The following FSD1L variants were observed in gnomAD, a reference collection of about 807,000 sequenced individuals.
The protein encoded by FSD1L is FSD1-like protein.
In FSD1L, 45 loss-of-function variants were observed where a neutral mutation model predicts 71.6. The observed-to-expected ratio is 0.63, with a 90% CI of 0.49 to 0.81. FSD1L has a LOEUF of 0.81. Ranked by LOEUF, FSD1L falls within the 30% of genes least tolerant of loss-of-function variation. The pLI is 0.00. For synonymous variants in FSD1L, 197 were observed against 207.2 expected (o/e 0.95, Z 0.42); for missense variants, 561 against 618.1 (o/e 0.91, Z 0.98).
chr9:105,520,079 G>A, intron 10 of FSD1L: 1 of 1,567,552 alleles, frequency 6.4e-7, no homozygotes, highest in South Asian at 1.2e-5. Flanking sequence ...TTCTGCCGCT[G>A]GGAGCCGGCT....
intron 7 of FSD1L, among the ~76,000 whole-genome samples, chr9:105,505,458 A>G (rs958222023): frequency 1.1e-4 from 17 of 152,020 alleles, no homozygotes; most frequent in African/African-American, 3.9e-4. Flanking sequence ...ACGGGGTTTC[A>G]CTATGTTGGT....
intron 2 of FSD1L, among the ~76,000 whole-genome samples, chr9:105,462,640 A>G (rs1830784547): frequency 6.8e-6 from 1 of 146,150 alleles, no homozygotes; most frequent in South Asian, 2.2e-4. Context: ...CTCCTGCCTC[A>G]GCCTCCTGAG....
At chr9:105,521,932 G>T (rs887005014) in intron 10 of FSD1L, 1 of 1,612,474 alleles carries the variant, frequency 6.2e-7, no homozygotes, top group Admixed American at 1.7e-5. Context: ...ATGTGTAAAC[G>T]CATTCTTAAC....
chr9:105,485,540 T>G (rs900840303), intron 7 of FSD1L, among the ~76,000 whole-genome samples: 3 of 149,930 alleles, frequency 2.0e-5, no homozygotes, highest in African/African-American at 4.9e-5. Flanking sequence ...GGTGTTTTTT[T>G]TTTTTTTTTT....
chr9:105,506,818 C>T (rs1834080570), intron 8 of FSD1L, among the ~76,000 whole-genome samples: 1 of 151,026 alleles, frequency 6.6e-6, no homozygotes, highest in Admixed American at 6.6e-5. Flanking sequence ...ATCTCCCAGG[C>T]TGGAGTGCAG....
intron 1 of FSD1L, among the ~76,000 whole-genome samples, chr9:105,451,406 A>G (rs570530443): frequency 1.3e-5 from 2 of 152,334 alleles, no homozygotes; most frequent in South Asian, 4.1e-4. Flanking sequence ...GGTTAACTTA[A>G]CTAGGCAGTC....
At chr9:105,488,579 A>G (rs566969268) in intron 7 of FSD1L, among the ~76,000 whole-genome samples, 3 of 152,314 alleles carry the variant, frequency 2.0e-5, no homozygotes, top group East Asian at 1.9e-4. Context: ...TAAATTTTAT[A>G]GAAGACTACC....
chr9:105,485,482 A>G (rs559597331), intron 7 of FSD1L, among the ~76,000 whole-genome samples: 1 of 141,590 alleles, frequency 7.1e-6, no homozygotes, highest in Non-Finnish European at 1.5e-5. Flanking sequence ...CTTCAACATG[A>G]GTTTGCTGGG....
At chr9:105,493,738 T>G (rs1196990301) in intron 7 of FSD1L, among the ~76,000 whole-genome samples, 4 of 152,046 alleles carry the variant, frequency 2.6e-5, no homozygotes, top group Non-Finnish European at 5.9e-5. Context: ...TGTAAAGTAT[T>G]TTATTTCTCC....
At chr9:105,544,672 G>A (rs533820334) in intron 13 of FSD1L, among the ~76,000 whole-genome samples, 3 of 152,018 alleles carry the variant, frequency 2.0e-5, no homozygotes, top group East Asian at 1.9e-4. Context: ...AGCACCATTT[G>A]TTAAATAGGG....
At chr9:105,447,196 C>A (rs894025323), upstream of FSD1L, among the ~76,000 whole-genome samples, 1 of 151,428 alleles carries the variant, frequency 6.6e-6, no homozygotes, top group Non-Finnish European at 1.5e-5. Flanking sequence ...GTGGTGGGGG[C>A]GCCTGTAATC....
At chr9:105,442,746 A>G in the FSD1L span, among the ~76,000 whole-genome samples, 14 of 152,048 alleles carry the variant, frequency 9.2e-5, no homozygotes, top group African/African-American at 1.4e-4. Flanking sequence ...GAATCCCCCT[A>G]TGAATGCTCT....
intron 7 of FSD1L, among the ~76,000 whole-genome samples, chr9:105,504,617 G>A (rs908895031): frequency 3.3e-5 from 5 of 152,052 alleles, no homozygotes; most frequent in Admixed American, 6.6e-5. Context: ...TAGCACCTTC[G>A]TTGAATTACC....
chr9:105,461,544 G>T lies in FSD1L; in HGVS notation c.40G>T (p.Val14Phe), dbSNP rs767481897. Reference sequence around the variant, plus strand: ...GTACTGCTTTAAGGAGAATGAAAACGTTACAGTTGATAAAGCCTGTTTTCT... The same window carrying T: ...GTACTGCTTTAAGGAGAATGAAAACTTTACAGTTGATAAAGCCTGTTTTCT... ...QKYCFKENEN[V>F]TVDKACFLIS... The change falls in exon 2 of 14, where the codon GTT becomes TTT. Residue 14 changes from valine to phenylalanine, a missense_variant. This residue lies in a region of FSD1L where 410 missense variants were observed against 413.5 expected (regional missense o/e 0.99). Transcript: ENST00000481272. The T allele has an allele frequency of 2.6e-6, 4 of 1,550,894 alleles. No homozygotes were observed. In the Admixed American group the frequency reaches 7.8e-5, roughly 30 times the overall value.
In FSD1L at chr9:105,534,567, T is replaced by C; in HGVS notation, c.1100T>C (p.Phe367Ser). The change falls in exon 11 of 14, where the codon TTT becomes TCT. Residue 367 changes from phenylalanine to serine, a missense_variant. Coordinates refer to ENST00000481272, the MANE Select transcript of FSD1L (RefSeq NM_001145313.3). ...GCAGTAAGAGGCAGTAGAGATCGTT[T>C]TACTGGAGAATCATACACAGTGCTG... ...PPAVRGSRDR[F>S]TGESYTVLGD... 1 of 1,548,716 alleles carries C rather than the reference T, an allele frequency of 6.5e-7. No homozygotes were observed. Among genetic ancestry groups the C allele is most frequent in the Non-Finnish European group, 8.7e-7 (1 of 1,144,004 alleles).
chr9:105,468,449 TG>T (rs1301782655), intron 4 of FSD1L, 125 bp downstream of exon 4: 22 of 698,254 alleles, frequency 3.2e-5, no homozygotes, highest in Non-Finnish European at 4.6e-5. Context: ...AATGGTTTTT[TG>T]TTTTGGCCAT....
rs765360764 is a variant in FSD1L, at chr9:105,506,448, C to G, written c.636C>G (p.Asn212Lys). ...CAGTAGAGTGTTTGGTGGCAGATAACTCTGTAACAGTGGCTTGGAGAATGC... is the reference window on the plus strand; with the variant it reads ...CAGTAGAGTGTTTGGTGGCAGATAAGTCTGTAACAGTGGCTTGGAGAATGC... ...IDPVECLVAD[N>K]SVTVAWRMPE... The change falls in exon 8 of 14, where the codon AAC becomes AAG. Residue 212 changes from asparagine to lysine, a missense_variant. Physicochemically the swap from Asn to Lys is moderately conservative, Grantham distance 94 (BLOSUM62 0). Around this residue, in one of 3 missense-constraint regions of FSD1L, gnomAD observed 410 missense variants for 413.5 expected, o/e 0.99. Transcript: ENST00000481272. 6.4e-7 allele frequency: 1 copy of G among 1,550,764 alleles called. No homozygotes were observed. Among genetic ancestry groups the G allele is most frequent in the Non-Finnish European group, 8.7e-7 (1 of 1,146,644 alleles).
intron 2 of FSD1L, among the ~76,000 whole-genome samples, chr9:105,463,427 A>C (rs554023585): frequency 4.3e-4 from 65 of 152,332 alleles, no homozygotes; most frequent in African/African-American, 1.6e-3. Context: ...AGTTACTGCA[A>C]CTAGACTTGT....
At chr9:105,453,338 C>T (rs1830166930) in intron 1 of FSD1L, among the ~76,000 whole-genome samples, 1 of 151,934 alleles carries the variant, frequency 6.6e-6, no homozygotes, top group African/African-American at 2.4e-5. Flanking sequence ...CCCGCCACCA[C>T]ACTCAGCTAA....
Sources: gnomAD v4.1 joint callset for allele counts (sites outside exome capture counted in the v4.1 genomes callset) on GRCh38, gnomAD v4.1.1 for gene constraint, gnomAD v4.1.1 regional missense constraint, MANE v1.5 for transcripts, NCBI Gene and HGNC (gene_info 2026-07-23, HGNC 2026-07-21) for gene names.